The following DNAJC13 variants were observed in gnomAD, a reference collection of about 807,000 sequenced individuals.
The protein encoded by DNAJC13 is DnaJ heat shock protein family (Hsp40) member C13, also known as dnaJ homolog subfamily C member 13.
A neutral mutation model predicts 290.5 loss-of-function variants in DNAJC13; 75 were observed. That is an observed-to-expected ratio of 0.26 (90% confidence interval 0.21 to 0.31). The LOEUF (loss-of-function observed/expected upper bound fraction) is 0.31, where lower values mean the gene tolerates loss of function less well. DNAJC13 is among the 10% of genes least tolerant of loss of function. The pLI, the probability that DNAJC13 is intolerant of heterozygous loss-of-function variation, is 1.00. For synonymous variants in DNAJC13, 862 were observed against 892.0 expected (o/e 0.97, Z 0.60); for missense variants, 2,260 against 2,674.5 (o/e 0.85, Z 3.42).
At chr3:132,443,161 C>A (rs938847384) in intron 2 of DNAJC13, among the ~76,000 whole-genome samples, 1 of 151,886 alleles carries the variant, frequency 6.6e-6, no homozygotes, top group African/African-American at 2.4e-5. Context: ...AGATAAAAAT[C>A]TTTTTTTTAT....
chr3:132,479,713 C>G (rs1934604719), intron 25 of DNAJC13, among the ~76,000 whole-genome samples: 1 of 151,918 alleles, frequency 6.6e-6, no homozygotes, highest in African/African-American at 2.4e-5. Flanking sequence ...TCATTTTACT[C>G]TGTATTTTCT....
chr3:132,467,275 A>C lies in DNAJC13; in HGVS notation c.2170A>C (p.Met724Leu), dbSNP rs1166708815. ...CAAAGAAAAAGTGGATCTTGTATTG[A>C]TGCACTGGAGGGATAGGATGGGCAT... is the stretch of plus-strand genomic sequence containing the variant. ...FAKEKVDLVL[M>L]HWRDRMGIAQ... The change falls in exon 20 of 56, where the codon ATG becomes CTG. Residue 724 changes from methionine to leucine, a missense_variant. Met to Leu is a conservative substitution (Grantham distance 15). Around this residue, in one of 3 missense-constraint regions of DNAJC13, gnomAD observed 762 missense variants for 964.1 expected, o/e 0.79. Transcript: ENST00000260818. 6.2e-7 allele frequency: 1 copy of C among 1,614,046 alleles called. No individual in the cohort carries two copies. The highest frequency in any genetic ancestry group is 8.5e-7 in the Non-Finnish European group (1 of 1,179,968).
Position 132,513,093 on chromosome 3 carries a change from T to G in DNAJC13, c.5379T>G (p.Ala1793=). 6.2e-7 allele frequency: 1 copy of G among 1,613,116 alleles called. No homozygotes were observed. Among genetic ancestry groups the G allele is most frequent in the Non-Finnish European group, 8.5e-7 (1 of 1,179,274 alleles). ...GAGCTGGTCAAGTGCAGCAGTTGGCTTTAGAGGTAAAAGCGTTTTGTACTA... is the reference window on the plus strand; with the variant it reads ...GAGCTGGTCAAGTGCAGCAGTTGGCGTTAGAGGTAAAAGCGTTTTGTACTA... ...VHGAGQVQQL[A]LEVVNIVTSN... The change falls in exon 45 of 56, where the codon GCT becomes GCG. Residue 1793 remains alanine (A), a synonymous_variant. Coordinates refer to ENST00000260818, the MANE Select transcript of DNAJC13 (RefSeq NM_015268.4).
At position 132,506,045 on chromosome 3, in the gene DNAJC13, C is replaced by CTTTTTTTTTTTTTTTTTTTTTTTT. The variant is rs573857472; in HGVS notation, c.4998+653_4998+654insTTTTTTTTTTTTTTTTTTTTTTTT. Among the ~76,000 whole-genome samples, 3 of 72,676 alleles carry CTTTTTTTTTTTTTTTTTTTTTTTT rather than the reference C, an allele frequency of 4.1e-5. 1 individual carries two copies. The highest frequency in any genetic ancestry group is 1.3e-4 in the African/African-American group (3 of 23,104). The allele number at this position is 72,676 out of a possible 152,430, so 47.7% of individuals were successfully genotyped here. A position where few individuals can be genotyped will look rare whatever the true frequency, so the allele number is the denominator to read the frequency against. ...CGGGTCTTACATGTCTGTACATTAT[C>CTTTTTTTTTTTTTTTTTTTTTTTT]TTTTTTTTTTTTTTTTTTTTTTTGA... On this transcript the variant is annotated intron_variant, in intron 42 of 55. Transcript: ENST00000260818.
chr3:132,529,312 A>G (rs1287478774), intron 54 of DNAJC13, among the ~76,000 whole-genome samples: 2 of 152,076 alleles, frequency 1.3e-5, no homozygotes, highest in African/African-American at 2.4e-5. Flanking sequence ...AAATGCTCCA[A>G]TTTGTTTATC....
chr3:132,522,954 T>G lies in DNAJC13; in HGVS notation c.5800T>G (p.Ser1934Ala). The G allele has an allele frequency of 6.2e-7, 1 of 1,613,312 alleles. No individual in the cohort carries two copies. The highest frequency in any genetic ancestry group is 2.2e-5 in the East Asian group (1 of 44,812). ...ENPELIWNDNSRDKVSTTVRE... is the reference protein window; with the variant it reads ...ENPELIWNDNARDKVSTTVRE... Reference sequence around the variant, plus strand: ...TCCTGAGTTAATTTGGAATGATAATTCCAGAGATAAAGTGTCCACAACAGT... The same window carrying G: ...TCCTGAGTTAATTTGGAATGATAATGCCAGAGATAAAGTGTCCACAACAGT... Residue 1934 changes from serine to alanine, a missense_variant, in exon 49 of 56, where the codon TCC becomes GCC. By Grantham distance (99) the Ser-to-Ala change is moderately conservative (BLOSUM62 1). Transcript: ENST00000260818.
chr3:132,469,160 C>T (rs1159041854), intron 20 of DNAJC13, among the ~76,000 whole-genome samples: 4 of 152,138 alleles, frequency 2.6e-5, no homozygotes, highest in Non-Finnish European at 4.4e-5. Context: ...CCCCTTTCTG[C>T]GTGGGTACTA....
At position 132,538,541 on chromosome 3, in the gene DNAJC13, A is replaced by C. The variant is rs149506627; in HGVS notation, c.*259A>C. The C allele has an allele frequency of 6.9e-6, 2 of 288,640 alleles. No homozygotes were observed. The highest frequency in any genetic ancestry group is 5.2e-5 in the Admixed American group (1 of 19,396). The allele number at this position is 288,640 out of a possible 1,614,324, so 17.9% of individuals were successfully genotyped here. Reference sequence around the variant, plus strand: ...TGTATGTAAGCACATTTGTTCCTTTATATCTGTTTACAAAACTGTGAATCA... The same window carrying C: ...TGTATGTAAGCACATTTGTTCCTTTCTATCTGTTTACAAAACTGTGAATCA... On this transcript the variant is annotated 3_prime_UTR_variant, in exon 56 of 56. Coordinates refer to ENST00000260818, the MANE Select transcript of DNAJC13 (RefSeq NM_015268.4).
chr3:132,488,275 A>C, intron 29 of DNAJC13, 23 bp from the exon 30 acceptor site: 2 of 1,570,736 alleles, frequency 1.3e-6, no homozygotes, highest in East Asian at 2.3e-5. Flanking sequence ...CAACCCAATA[A>C]AAACATTTTA....
intron 32 of DNAJC13, among the ~76,000 whole-genome samples, chr3:132,491,328 G>A (rs971716924): frequency 4.6e-5 from 7 of 152,078 alleles, no homozygotes; most frequent in Non-Finnish European, 7.4e-5. Context: ...TATAGAACTC[G>A]TAAGGTTTTA....
intron 1 of DNAJC13, among the ~76,000 whole-genome samples, chr3:132,427,195 G>C (rs1939122007): frequency 6.7e-6 from 1 of 149,066 alleles, no homozygotes; most frequent in Admixed American, 6.7e-5. Flanking sequence ...GCAGTGGCAA[G>C]ATGAGGGCTC....
At chr3:132,449,372 T>A (rs1214920124) in intron 5 of DNAJC13, among the ~76,000 whole-genome samples, 1 of 152,148 alleles carries the variant, frequency 6.6e-6, no homozygotes, top group Non-Finnish European at 1.5e-5. Context: ...GAGAATATCC[T>A]ATATAGTGGT....
chr3:132,467,757 A>G (rs1203486563), intron 20 of DNAJC13, among the ~76,000 whole-genome samples: 4 of 151,870 alleles, frequency 2.6e-5, no homozygotes, highest in Non-Finnish European at 5.9e-5. Context: ...GAGCCACCGC[A>G]CCCGGCCGAA....
intron 32 of DNAJC13, among the ~76,000 whole-genome samples, chr3:132,491,603 A>T (rs993187142): frequency 6.6e-6 from 1 of 152,188 alleles, no homozygotes; most frequent in East Asian, 1.9e-4. Context: ...GGAAACACAG[A>T]AAAAGGAAAG....
chr3:132,482,154 A>T, intron 26 of DNAJC13, 72 bp from the exon 27 acceptor site: 3 of 1,272,484 alleles, frequency 2.4e-6, no homozygotes, highest in Non-Finnish European at 3.3e-6. Context: ...ACTGCTGTGC[A>T]ACTTTGTTTT....
chr3:132,505,253 C>A, intron 41 of DNAJC13, 49 bp from the exon 42 acceptor site: 2 of 1,196,280 alleles, frequency 1.7e-6, no homozygotes, highest in South Asian at 2.6e-5. Flanking sequence ...GTGATAATGT[C>A]AATAAGTTTT....
Position 132,461,568 on chromosome 3 carries a change from TATC to T in DNAJC13, c.1713+366_1713+368del, listed in dbSNP as rs1933798592. Among the ~76,000 whole-genome samples, 3 of 152,370 alleles carry T rather than the reference TATC, an allele frequency of 2.0e-5. No homozygotes were observed. The South Asian group carries it at 6.2e-4, about 32-fold the overall frequency. On this transcript the variant is annotated intron_variant, in intron 15 of 55. Coordinates refer to ENST00000260818, the MANE Select transcript of DNAJC13 (RefSeq NM_015268.4). ...TGACGAATAAATGCACCTAGTACAT[TATC>T]ATATTGGTACATTTTGAGTGTACAG...
rs553965248 is a variant in DNAJC13 at position 132,496,514 on chromosome 3, T to C, written c.4021-14T>C. On this transcript the variant is annotated splice_polypyrimidine_tract_variant and intron_variant, in intron 35 of 55. Transcript: ENST00000260818. ...ATTCCAAATTAACGTTAAATTATCT[T>C]CTGTTACATACAGGACATGTTTGAA... 1.3e-6 allele frequency: 2 copies of C among 1,562,554 alleles called. No homozygotes were observed. The highest frequency in any genetic ancestry group is 1.2e-5 in the South Asian group (1 of 81,848).
intron 42 of DNAJC13, among the ~76,000 whole-genome samples, chr3:132,506,295 GC>G (rs1437479998): frequency 6.6e-6 from 1 of 151,038 alleles, no homozygotes; most frequent in African/African-American, 2.4e-5. Flanking sequence ...CAGGTGATCC[GC>G]CCGCCTCAGC....
Sources: allele counts gnomAD v4.1 joint callset (sites outside exome capture counted in the v4.1 genomes callset), GRCh38; gene constraint gnomAD v4.1.1; regional missense constraint gnomAD v4.1.1; transcripts MANE v1.5; gene names NCBI Gene and HGNC (gene_info 2026-07-23, HGNC 2026-07-21).